The following FAM53B variants were observed in gnomAD, a reference collection of about 807,000 sequenced individuals.
FAM53B encodes protein FAM53B.
In FAM53B, 12 loss-of-function variants were observed where a neutral mutation model predicts 32.7. The observed-to-expected ratio is 0.37, with a 90% confidence interval of 0.24 to 0.59. The LOEUF (loss-of-function observed/expected upper bound fraction) is 0.59, where lower values mean the gene tolerates loss of function less well. Among genes scored for constraint, FAM53B ranks in the 20% least tolerant of loss-of-function variants. The pLI, the probability that FAM53B is intolerant of heterozygous loss-of-function variation, is 0.72. For synonymous variants in FAM53B, 234 were observed against 228.7 expected (o/e 1.02, Z -0.21); for missense variants, 477 against 577.7 (o/e 0.83, Z 1.79).
intron 1 of FAM53B, among the ~76,000 whole-genome samples, chr10:124,722,455 G>A (rs1950075370): frequency 6.6e-6 from 1 of 152,144 alleles, no homozygotes; most frequent in South Asian, 2.1e-4. Context: ...CTCCCATTTG[G>A]GTGAAACTAA....
At chr10:124,649,262 T>C (rs1427662292) in intron 4 of FAM53B, among the ~76,000 whole-genome samples, 2 of 152,244 alleles carry the variant, frequency 1.3e-5, no homozygotes, top group Non-Finnish European at 2.9e-5. Flanking sequence ...GAAGTTTCCA[T>C]GTCTTCCAAG....
intron 3 of FAM53B, among the ~76,000 whole-genome samples, chr10:124,693,706 T>G (rs7069364): frequency 6.6e-6 from 1 of 152,048 alleles, no homozygotes; most frequent in East Asian, 1.9e-4. Context: ...CCTTAAATCC[T>G]CACAACTTGC....
intron 3 of FAM53B, among the ~76,000 whole-genome samples, chr10:124,692,883 T>G (rs1317844788): frequency 1.3e-5 from 2 of 152,126 alleles, no homozygotes; most frequent in Non-Finnish European, 2.9e-5. Flanking sequence ...GCCCAGATTT[T>G]CTGCAGAACA....
At chr10:124,701,764 G>A (rs1181754367) in intron 2 of FAM53B, among the ~76,000 whole-genome samples, 2 of 147,398 alleles carry the variant, frequency 1.4e-5, no homozygotes, top group Admixed American at 1.4e-4. Context: ...CAGGGCCATG[G>A]GCACAGCTGA....
intron 1 of FAM53B, among the ~76,000 whole-genome samples, chr10:124,719,020 G>A (rs1166487836): frequency 6.7e-6 from 1 of 150,260 alleles, no homozygotes; most frequent in African/African-American, 2.4e-5. Context: ...TTAAGTGACA[G>A]AGAAAGATCC....
intron 4 of FAM53B, among the ~76,000 whole-genome samples, chr10:124,657,566 A>G (rs1949601367): frequency 6.6e-6 from 1 of 152,158 alleles, no homozygotes; most frequent in Admixed American, 6.5e-5. Context: ...TTTCCAAACT[A>G]TATTTTTTCT....
chr10:124,688,721 C>T (rs866752709), intron 3 of FAM53B, among the ~76,000 whole-genome samples: 140 of 152,332 alleles, frequency 9.2e-4, no homozygotes, highest in African/African-American at 3.3e-3. Context: ...CAGAAGACTG[C>T]TGTGTGCACA....
At chr10:124,659,346 T>C (rs539730031) in intron 4 of FAM53B, among the ~76,000 whole-genome samples, 44 of 152,360 alleles carry the variant, frequency 2.9e-4, no homozygotes, top group Admixed American at 2.6e-3. Context: ...GATCAGCAGC[T>C]TTTCCTCCTT....
At chr10:124,697,944 C>A (rs1216986849) in intron 2 of FAM53B, among the ~76,000 whole-genome samples, 1 of 152,206 alleles carries the variant, frequency 6.6e-6, no homozygotes. Context: ...ACAATCCCAG[C>A]TGAGAGGTGC....
Position 124,730,001 on chromosome 10 carries a change from G to C in FAM53B, c.-175+14012C>G, listed in dbSNP as rs115794613. On this transcript the variant is annotated intron_variant, in intron 1 of 4. Coordinates refer to ENST00000337318, the MANE Select transcript of FAM53B (RefSeq NM_014661.4). ...CCAATTCCAAGCTACTCAACACACG[G>C]CATCAGTGTTGGCAGTGGACAGCAT... Among the ~76,000 whole-genome samples the C allele has an allele frequency of 3.6e-3, 545 of 152,266 alleles. 5 individuals carry two copies. The highest frequency in any genetic ancestry group is 0.012 in the African/African-American group (519 of 41,552).
At chr10:124,670,445 G>A (rs531554581) in intron 4 of FAM53B, among the ~76,000 whole-genome samples, 4 of 152,172 alleles carry the variant, frequency 2.6e-5, no homozygotes, top group East Asian at 1.9e-4. Context: ...CAAAAAGCCC[G>A]CTCCTCACCC....
At chr10:124,732,952 C>T (rs779112166) in intron 1 of FAM53B, among the ~76,000 whole-genome samples, 1 of 152,206 alleles carries the variant, frequency 6.6e-6, no homozygotes, top group Admixed American at 6.5e-5. Flanking sequence ...CTGGTCATAA[C>T]GCTCTTTCAC....
At chr10:124,639,118 GTC>G (rs1241335208) in intron 4 of FAM53B, among the ~76,000 whole-genome samples, 23 of 152,142 alleles carry the variant, frequency 1.5e-4, no homozygotes, top group Admixed American at 1.3e-3. Flanking sequence ...TATAAGTCCC[GTC>G]TCTCTAACCC....
At chr10:124,678,712 C>T (rs1438307762) in intron 4 of FAM53B, among the ~76,000 whole-genome samples, 6 of 152,216 alleles carry the variant, frequency 3.9e-5, no homozygotes, top group African/African-American at 1.4e-4. Flanking sequence ...TCCTGCTGAA[C>T]TCAACTGTGG....
intron 4 of FAM53B, among the ~76,000 whole-genome samples, chr10:124,642,047 G>T (rs142078246): frequency 1.3e-5 from 2 of 152,188 alleles, no homozygotes; most frequent in Admixed American, 6.5e-5. Context: ...GTGCATACAC[G>T]TGTGCATACA....
Position 124,620,047 on chromosome 10 carries a change from T to C in FAM53B, c.*3195A>G, listed in dbSNP as rs544387752. 7.2e-5 allele frequency: 11 copies of C among 152,594 alleles called. No homozygotes were observed. Among genetic ancestry groups the C allele is most frequent in the Admixed American group, 6.5e-4 (10 of 15,308 alleles). The allele number at this position is 152,594 out of a possible 1,614,324, so 9.5% of individuals were successfully genotyped here. A position where few individuals can be genotyped will look rare whatever the true frequency, so the allele number is the denominator to read the frequency against. On this transcript the variant is annotated 3_prime_UTR_variant, in exon 5 of 5. Transcript: ENST00000337318. Reference sequence around the variant, plus strand: ...GTTAGTTAGGGTTTGTTTTGTTTTCTTTTTAATGTGGACTTCCCCTTTATT... The same window carrying C: ...GTTAGTTAGGGTTTGTTTTGTTTTCCTTTTAATGTGGACTTCCCCTTTATT...
rs1360308369 is a variant in FAM53B at position 124,689,902 on chromosome 10, C to G, written c.133+6256G>C. Among the ~76,000 whole-genome samples, 5 of 152,220 alleles carry G rather than the reference C, an allele frequency of 3.3e-5. No individual in the cohort carries two copies. The South Asian group carries it at 1.0e-3, about 32-fold the overall frequency. On this transcript the variant is annotated intron_variant, in intron 3 of 4. Coordinates refer to ENST00000337318, the MANE Select transcript of FAM53B (RefSeq NM_014661.4). ...TTGTGACAGCCCTTTTGGGTCTGAC[C>G]AGGACTTCCTATTCTACCCCTCAGC...
rs1310611796 is a variant in FAM53B at position 124,681,952 on chromosome 10, G to A, written c.561C>T (p.His187=). The A allele has an allele frequency of 1.5e-5, 25 of 1,613,952 alleles. No homozygotes were observed. Among genetic ancestry groups the A allele is most frequent in the African/African-American group, 2.7e-5 (2 of 74,954 alleles). Residue 187 remains histidine (H), a synonymous_variant, in exon 4 of 5, where the codon CAC becomes CAT. Transcript: ENST00000337318. ...GGCAGGGCTGCCCTCCAAATCGGTGGTGGAGTCCTGCCTGGTCGCAGGGTG... is the reference window on the plus strand; with the variant it reads ...GGCAGGGCTGCCCTCCAAATCGGTGATGGAGTCCTGCCTGGTCGCAGGGTG... ...LSSPCDQAGL[H]HRFGGQPCQG...
At chr10:124,657,879 C>T (rs1395066431) in intron 4 of FAM53B, among the ~76,000 whole-genome samples, 1 of 152,240 alleles carries the variant, frequency 6.6e-6, no homozygotes, top group Non-Finnish European at 1.5e-5. Flanking sequence ...GCAACCAGCT[C>T]CATCTGCTCC....
Sources: allele counts gnomAD v4.1 joint callset (sites outside exome capture counted in the v4.1 genomes callset), GRCh38; gene constraint gnomAD v4.1.1; transcripts MANE v1.5; gene names NCBI Gene and HGNC (gene_info 2026-07-23, HGNC 2026-07-21).